The following GTF2IRD1 variants were observed in gnomAD, a reference collection of about 807,000 sequenced individuals.
GTF2IRD1 encodes general transcription factor II-I repeat domain-containing protein 1.
In GTF2IRD1, 26 loss-of-function variants were observed where a neutral mutation model predicts 113.2. The ratio of observed to expected loss-of-function variants is 0.23; its 90% confidence interval spans 0.17 to 0.32. The LOEUF (loss-of-function observed/expected upper bound fraction) is 0.32, where lower values mean the gene tolerates loss of function less well. Among genes scored for constraint, GTF2IRD1 ranks in the 10% least tolerant of loss-of-function variants. GTF2IRD1 has a pLI of 1.00. For missense variants in GTF2IRD1, 864 were observed against 1,280.8 expected (o/e 0.67, Z 4.97); for synonymous variants, 484 against 529.1 (o/e 0.91, Z 1.17).
At chr7:74,587,002 G>C (rs1554368042) in intron 22 of GTF2IRD1, among the ~76,000 whole-genome samples, 1 of 152,094 alleles carries the variant, frequency 6.6e-6, no homozygotes, top group African/African-American at 2.4e-5. Context: ...AAAAAACTTA[G>C]TCTGGCATGG....
chr7:74,538,236 C>T lies in GTF2IRD1; in HGVS notation c.1447+63C>T, dbSNP rs587755692. The stretch of plus-strand genomic sequence containing the variant: ...CGGGAGGGCAACCACCAGCCCTACC[C>T]GGCAGCCTTGGGGAGGAGCTCAACT... On this transcript the variant is annotated intron_variant, in intron 12 of 26. Coordinates refer to ENST00000424337, the MANE Select transcript of GTF2IRD1 (RefSeq NM_005685.4). The T allele has an allele frequency of 2.4e-5, 37 of 1,539,270 alleles. No homozygotes were observed. The East Asian group carries it at 2.7e-4, about 11-fold the overall frequency.
chr7:74,497,274 A>G (rs529475398), intron 1 of GTF2IRD1, among the ~76,000 whole-genome samples: 141 of 152,284 alleles, frequency 9.3e-4, no homozygotes, highest in Non-Finnish European at 1.6e-3. Context: ...TTGCATACTC[A>G]TGTTAATAGC....
At chr7:74,489,516 T>C (rs1795213934) in intron 1 of GTF2IRD1, among the ~76,000 whole-genome samples, 1 of 152,134 alleles carries the variant, frequency 6.6e-6, no homozygotes, top group African/African-American at 2.4e-5. Context: ...CTAATTTTTG[T>C]ATTTTTAGTA....
chr7:74,524,947 G>A (rs781980411), intron 8 of GTF2IRD1, among the ~76,000 whole-genome samples: 1 of 152,130 alleles, frequency 6.6e-6, no homozygotes, highest in Non-Finnish European at 1.5e-5. Context: ...TGAGGTGGGA[G>A]GATTGCTTGA....
chr7:74,521,739 G>C (rs748182304), intron 7 of GTF2IRD1, among the ~76,000 whole-genome samples: 1 of 152,062 alleles, frequency 6.6e-6, no homozygotes, highest in African/African-American at 2.4e-5. Flanking sequence ...TCCAGCCCGG[G>C]CAACAGTTAG....
chr7:74,515,391 G>C, intron 3 of GTF2IRD1, 50 bp from the exon 4 acceptor site: 1 of 1,549,966 alleles, frequency 6.5e-7, no homozygotes, highest in South Asian at 1.2e-5. Context: ...TCGAAGGCCG[G>C]GTGGTGAGAC....
intron 11 of GTF2IRD1, among the ~76,000 whole-genome samples, chr7:74,537,533 G>A (rs1439392057): frequency 1.3e-5 from 2 of 151,908 alleles, no homozygotes; most frequent in African/African-American, 4.8e-5. Flanking sequence ...CAGGTCTGAT[G>A]CCTGTCCTGA....
chr7:74,504,296 C>T (rs916493697), intron 1 of GTF2IRD1, among the ~76,000 whole-genome samples: 11 of 152,286 alleles, frequency 7.2e-5, no homozygotes, highest in African/African-American at 2.2e-4. Flanking sequence ...CTCTTCCTTG[C>T]GAGTGTCTGC....
At chr7:74,601,420 A>C (rs587653499) in intron 26 of GTF2IRD1, 2 of 1,476,278 alleles carry the variant, frequency 1.4e-6, no homozygotes, top group East Asian at 5.0e-5. Context: ...CGCTGGGCAG[A>C]TGGGCCGGCT....
At chr7:74,475,883 G>A (rs1794372824) in intron 1 of GTF2IRD1, among the ~76,000 whole-genome samples, 1 of 152,186 alleles carries the variant, frequency 6.6e-6, no homozygotes, top group South Asian at 2.1e-4. Context: ...GATCCTGCCT[G>A]TCTGGTGACA....
At chr7:74,594,868 C>T (rs1296710248) in intron 24 of GTF2IRD1, 146 bp from the exon 25 acceptor site, 4 of 483,192 alleles carry the variant, frequency 8.3e-6, no homozygotes, top group African/African-American at 2.0e-5. Flanking sequence ...AGGAGAATGG[C>T]GTGAACCCAG....
intron 1 of GTF2IRD1, among the ~76,000 whole-genome samples, chr7:74,468,431 G>A (rs572416205): frequency 5.0e-4 from 75 of 150,668 alleles, no homozygotes; most frequent in African/African-American, 1.6e-3. Flanking sequence ...AGGCTGAGAC[G>A]CGCAGATCAC....
At chr7:74,481,633 C>G (rs928688699) in intron 1 of GTF2IRD1, among the ~76,000 whole-genome samples, 1 of 152,172 alleles carries the variant, frequency 6.6e-6, no homozygotes, top group African/African-American at 2.4e-5. Flanking sequence ...TGTGTATGCC[C>G]CTGAGGTCAT....
At chr7:74,481,312 G>T (rs1456709927) in intron 1 of GTF2IRD1, among the ~76,000 whole-genome samples, 4 of 151,982 alleles carry the variant, frequency 2.6e-5, no homozygotes, top group African/African-American at 9.7e-5. Flanking sequence ...GTGCCACCAC[G>T]CCCGGCTCAT....
intron 22 of GTF2IRD1, among the ~76,000 whole-genome samples, chr7:74,584,377 G>A (rs587720260): frequency 2.6e-4 from 39 of 152,230 alleles, no homozygotes; most frequent in African/African-American, 6.5e-4. Flanking sequence ...CCCGGTAGGC[G>A]GAGGTTGCAG....
rs1480760230 is a variant in GTF2IRD1, at chr7:74,601,189, G to A, written c.2766+9G>A. The A allele has an allele frequency of 5.7e-6, 9 of 1,570,312 alleles. No homozygotes were observed. In the East Asian group the frequency reaches 1.4e-4, roughly 25 times the overall value. On this transcript the variant is annotated intron_variant, in intron 26 of 26. Transcript: ENST00000424337. ...ACCAGATCTCACTCGTGGTAAAGTT[G>A]CACCGATTTGGACTCCGGCACTCAT...
At chr7:74,527,760 T>C (rs1668526974) in intron 8 of GTF2IRD1, among the ~76,000 whole-genome samples, 1 of 152,072 alleles carries the variant, frequency 6.6e-6, no homozygotes, top group African/African-American at 2.4e-5. Flanking sequence ...GAGAATTGCT[T>C]GAACCCAGTC....
intron 13 of GTF2IRD1, among the ~76,000 whole-genome samples, chr7:74,538,975 CA>C (rs1481172598): frequency 2.0e-5 from 3 of 152,194 alleles, no homozygotes; most frequent in African/African-American, 7.2e-5. Flanking sequence ...AAGGTCCCCT[CA>C]AAACTTCACC....
intron 1 of GTF2IRD1, among the ~76,000 whole-genome samples, chr7:74,492,090 A>G (rs192495070): frequency 2.0e-5 from 3 of 151,874 alleles, no homozygotes; most frequent in East Asian, 3.9e-4. Flanking sequence ...TGCAACCTCT[A>G]CTTCCTGGGT....
Sources: gnomAD v4.1 joint callset for allele counts (sites outside exome capture counted in the v4.1 genomes callset) on GRCh38, gnomAD v4.1.1 for gene constraint, MANE v1.5 for transcripts, NCBI Gene and HGNC (gene_info 2026-07-23, HGNC 2026-07-21) for gene names.